Variants in HEXIM2 observed in about 807,000 individuals in gnomAD.
HEXIM2 encodes the protein protein HEXIM2.
For synonymous variants in HEXIM2, 159 were observed against 162.7 expected, an observed-to-expected ratio of 0.98 and a Z score of 0.17; for missense variants, 413 against 390.8, an observed-to-expected ratio of 1.06 and a Z score of -0.48.
chr17:45,166,713 G>T (rs1460826217), intron 3 of HEXIM2, among the ~76,000 whole-genome samples: 1 of 152,110 alleles, frequency 6.6e-6, no homozygotes, highest in Non-Finnish European at 1.5e-5. Flanking sequence ...AGTGACATTG[G>T]AACTAAGCTC....
In HEXIM2 at chr17:45,162,798, T is replaced by C. The variant is rs1555620275; in HGVS notation, c.5T>C (p.Met2Thr). Residue 2 changes from methionine (M) to threonine (T), a missense_variant, in exon 3 of 4, where the codon ATG (methionine) becomes ACG (threonine). By Grantham distance (81) the Met-to-Thr change is moderately conservative. Transcript: ENST00000589230. M[M>T]ATPNQTACNA... is the part of the protein sequence containing the mutation. ...CTGAAAGATTTGGAACAGAAGATGA[T>C]GGCCACTCCGAACCAGACCGCCTGT... 5 of 1,614,002 alleles carry C rather than the reference T, an allele frequency of 3.1e-6. No homozygotes were observed. The highest frequency in any genetic ancestry group is 3.3e-5 in the Admixed American group (2 of 60,016).
intron 1 of HEXIM2, 94 bp from the exon 2 acceptor site, chr17:45,162,393 TC>T: frequency 1.0e-6 from 1 of 975,694 alleles, no homozygotes; most frequent in Non-Finnish European, 1.3e-6. Flanking sequence ...ACTCCCAGCC[TC>T]CCCAGGCAGT....
chr17:45,169,860 A>T lies in HEXIM2; in HGVS notation c.*51A>T. The T allele has an allele frequency of 7.2e-7, 1 of 1,398,570 alleles. No homozygotes were observed. The allele number at this position is 1,398,570 out of a possible 1,614,324, so 86.6% of individuals were successfully genotyped here. A position where few individuals can be genotyped will look rare whatever the true frequency, so the allele number is the denominator to read the frequency against. ...AAGGAGAAGGTCCCATTTCGTGCAC[A>T]CTCAGGCCAGCTGGGTCTCAAGGAG... On this transcript the variant is annotated 3_prime_UTR_variant, in exon 4 of 4. Coordinates refer to ENST00000589230, the MANE Select transcript of HEXIM2 (RefSeq NM_001303441.2).
At chr17:45,164,438 G>T (rs2042784603) in intron 3 of HEXIM2, among the ~76,000 whole-genome samples, 1 of 151,188 alleles carries the variant, frequency 6.6e-6, no homozygotes, top group African/African-American at 2.4e-5. Flanking sequence ...CTGGGCAACA[G>T]AGCGAGACTC....
intron 3 of HEXIM2, among the ~76,000 whole-genome samples, chr17:45,166,585 G>A (rs1042368582): frequency 3.9e-5 from 6 of 152,182 alleles, no homozygotes; most frequent in Non-Finnish European, 2.9e-5. Flanking sequence ...GAAGACAGAT[G>A]TTAAATGGCC....
chr17:45,166,986 C>T (rs1316705777), intron 3 of HEXIM2, among the ~76,000 whole-genome samples: 2 of 139,864 alleles, frequency 1.4e-5, no homozygotes, highest in Non-Finnish European at 3.0e-5. Flanking sequence ...GGTCGGGCCA[C>T]TGCACTCCAG....
chr17:45,168,791 C>A, intron 3 of HEXIM2: 2 of 561,048 alleles, frequency 3.6e-6, no homozygotes, highest in South Asian at 2.5e-5. Context: ...GTGAAACACA[C>A]AGGCAAAATT....
upstream of HEXIM2, chr17:45,160,793 C>T: frequency 1.6e-6 from 1 of 610,356 alleles, no homozygotes; most frequent in Non-Finnish European, 2.7e-6. Flanking sequence ...AGGGCAAGAG[C>T]CTCAGAGACC....
At chr17:45,161,443 C>G (rs1014491128), upstream of HEXIM2, 8 of 173,256 alleles carry the variant, frequency 4.6e-5, no homozygotes, top group African/African-American at 1.4e-4. Context: ...CGGACCACCC[C>G]CCACGGGGTG....
upstream of HEXIM2, chr17:45,160,781 T>C (rs1032298433): frequency 2.7e-5 from 15 of 549,750 alleles, no homozygotes; most frequent in African/African-American, 7.7e-5. Flanking sequence ...GGAGAGATCT[T>C]GAGGGCAAGA....
At chr17:45,165,278 CACACACAT>C (rs928534038) in intron 3 of HEXIM2, among the ~76,000 whole-genome samples, 6 of 152,122 alleles carry the variant, frequency 3.9e-5, no homozygotes, top group Non-Finnish European at 5.9e-5. Context: ...GTACACACCC[CACACACAT>C]ACACACCCTG....
intron 3 of HEXIM2, among the ~76,000 whole-genome samples, chr17:45,164,190 T>A (rs1299865586): frequency 6.7e-6 from 1 of 149,026 alleles, no homozygotes; most frequent in African/African-American, 2.5e-5. Flanking sequence ...GTGCAGTGGC[T>A]CACGCCTGTA....
rs8067215 is a variant in HEXIM2 at position 45,164,248 on chromosome 17, G to A, written c.66+1389G>A. On this transcript the variant is annotated intron_variant, in intron 3 of 3. Transcript: ENST00000589230. ...AGGTGGGCGGATCACCTGAGGTCAC[G>A]AGTTCGAGACCAGCCTGACCAACAT... Among the ~76,000 whole-genome samples the A allele has an allele frequency of 2.2e-3, 338 of 152,110 alleles. 2 individuals carry two copies. Among genetic ancestry groups the A allele is most frequent in the African/African-American group, 8.0e-3 (332 of 41,478 alleles).
Position 45,169,706 on chromosome 17 carries a change from C to T in HEXIM2, c.758C>T (p.Ala253Val). ...QQSCRQVEEL[A>V]AEVQRLRTEN... ...TCCTGCCGCCAGGTGGAGGAGCTGG[C>T]TGCCGAGGTCCAGAGGCTCCGGACC... is the stretch of plus-strand genomic sequence containing the variant. The change falls in exon 4 of 4, where the codon GCT becomes GTT. Residue 253 changes from alanine (A) to valine (V), a missense_variant. Physicochemically the swap from Ala to Val is moderately conservative, Grantham distance 64. Coordinates refer to ENST00000589230, the MANE Select transcript of HEXIM2 (RefSeq NM_001303441.2). 6.5e-7 allele frequency: 1 copy of T among 1,529,064 alleles called. No homozygotes were observed. Among genetic ancestry groups the T allele is most frequent in the Middle Eastern group, 1.7e-4 (1 of 5,870 alleles). 94.7% of individuals were successfully genotyped at this position (1,529,064 alleles called of 1,614,324 possible). A position where few individuals can be genotyped will look rare whatever the true frequency, so the allele number is the denominator to read the frequency against.
intron 3 of HEXIM2, among the ~76,000 whole-genome samples, chr17:45,168,635 G>A (rs2042933489): frequency 1.3e-5 from 2 of 151,984 alleles, no homozygotes; most frequent in African/African-American, 2.4e-5. Flanking sequence ...GGGAAGAGCC[G>A]GTGCCATTTG....
Position 45,162,440 on chromosome 17 carries a change from C to CT in HEXIM2, c.-192-46dup, listed in dbSNP as rs1263438165. 5.5e-6 allele frequency: 6 copies of CT among 1,092,336 alleles called. No homozygotes were observed. The East Asian group carries it at 2.9e-4, about 52-fold the overall frequency. The allele number at this position is 1,092,336 out of a possible 1,614,324, so 67.7% of individuals were successfully genotyped here. A position where few individuals can be genotyped will look rare whatever the true frequency, so the allele number is the denominator to read the frequency against. ...CCCTTTGGTGGTTGGGGAAACAAAACTTACACCTGGCTTCCTGGCTGCCAA... is the reference window on the plus strand; with the variant it reads ...CCCTTTGGTGGTTGGGGAAACAAAACTTTACACCTGGCTTCCTGGCTGCCAA... On this transcript the variant is annotated intron_variant, in intron 1 of 3. Coordinates refer to ENST00000589230, the MANE Select transcript of HEXIM2 (RefSeq NM_001303441.2).
chr17:45,164,910 G>A (rs2042798010), intron 3 of HEXIM2, among the ~76,000 whole-genome samples: 1 of 152,128 alleles, frequency 6.6e-6, no homozygotes, highest in African/African-American at 2.4e-5. Flanking sequence ...GACTGAATTC[G>A]GAATTCATGA....
rs569906840 is a variant in HEXIM2 at position 45,161,900 on chromosome 17, C to A, written c.-324C>A. Reference sequence around the variant, plus strand: ...CTCTCTTCCCCCCCATCTTAGTGGCCTGAGCGGCTTGACCAGAGCTGCTGC... The same window carrying A: ...CTCTCTTCCCCCCCATCTTAGTGGCATGAGCGGCTTGACCAGAGCTGCTGC... On this transcript the variant is annotated 5_prime_UTR_variant, in exon 1 of 4. The change creates a new upstream start codon in the 5' untranslated region. Transcript: ENST00000589230. 1 of 985,696 alleles carries A rather than the reference C, an allele frequency of 1.0e-6. No individual in the cohort carries two copies. The highest frequency in any genetic ancestry group is 1.2e-6 in the Non-Finnish European group (1 of 830,130). 61.1% of individuals were successfully genotyped at this position (985,696 alleles called of 1,614,324 possible). A position where few individuals can be genotyped will look rare whatever the true frequency, so the allele number is the denominator to read the frequency against.
chr17:45,161,815 T>G, upstream of HEXIM2: 1 of 985,368 alleles, frequency 1.0e-6, no homozygotes, highest in Non-Finnish European at 1.2e-6. Context: ...TTACAGGCCC[T>G]TGGATCGCTT....
Sources: allele counts gnomAD v4.1 joint callset (sites outside exome capture counted in the v4.1 genomes callset), GRCh38; gene constraint gnomAD v4.1.1; transcripts MANE v1.5; gene names NCBI Gene and HGNC (gene_info 2026-07-23, HGNC 2026-07-21).